Variants in CDYL observed in about 807,000 individuals in gnomAD.
The protein encoded by CDYL is chromodomain Y-like protein.
CDYL carries 8 observed loss-of-function variants against 47.3 expected under a neutral mutation model. The observed-to-expected ratio is 0.17, with a 90% CI of 0.10 to 0.31. CDYL has a LOEUF of 0.31. Ranked by LOEUF, CDYL falls within the 10% of genes least tolerant of loss-of-function variation. The pLI is 1.00. For synonymous variants in CDYL, 266 were observed against 265.0 expected (o/e 1.00, Z -0.04); for missense variants, 471 against 701.4 (o/e 0.67, Z 3.71).
At chr6:4,828,013 A>C (rs900863098) in intron 1 of CDYL, among the ~76,000 whole-genome samples, 8 of 152,204 alleles carry the variant, frequency 5.3e-5, no homozygotes, top group African/African-American at 1.2e-4. Flanking sequence ...TCCTAAATAC[A>C]GTACTACTGG....
intron 1 of CDYL, among the ~76,000 whole-genome samples, chr6:4,880,749 G>A (rs1761741875): frequency 6.6e-6 from 1 of 152,184 alleles, no homozygotes; most frequent in African/African-American, 2.4e-5. Context: ...TGGTATCTCA[G>A]TGTTGTATTA....
intron 2 of CDYL, among the ~76,000 whole-genome samples, chr6:4,719,041 A>G (rs1185561231): frequency 2.0e-5 from 3 of 151,988 alleles, no homozygotes; most frequent in Non-Finnish European, 2.9e-5. Context: ...CTCCTGCCTC[A>G]GCCTTCCCAG....
At chr6:4,727,056 C>T (rs1297035714) in intron 2 of CDYL, among the ~76,000 whole-genome samples, 2 of 152,252 alleles carry the variant, frequency 1.3e-5, no homozygotes, top group African/African-American at 4.8e-5. Flanking sequence ...GTTTTAGTCA[C>T]TTTGTTTAAC....
intron 5 of CDYL, among the ~76,000 whole-genome samples, chr6:4,949,115 G>A (rs530429782): frequency 4.6e-5 from 7 of 152,362 alleles, no homozygotes; most frequent in East Asian, 1.9e-4. Context: ...CGCTGTAGGC[G>A]AGGGCTACGT....
intron 5 of CDYL, among the ~76,000 whole-genome samples, 199 bp from the exon 6 acceptor site, chr6:4,952,067 C>T (rs529862619): frequency 3.3e-5 from 5 of 152,210 alleles, no homozygotes; most frequent in East Asian, 3.9e-4. Context: ...ATCATCAGCC[C>T]GATAGATTAC....
At chr6:4,843,059 A>G (rs1056301865) in intron 1 of CDYL, among the ~76,000 whole-genome samples, 2 of 152,088 alleles carry the variant, frequency 1.3e-5, no homozygotes, top group Non-Finnish European at 2.9e-5. Flanking sequence ...ATCATTTATG[A>G]AGTTTAGTTT....
rs1561690560 is a variant in CDYL, at chr6:4,892,302, G to A, written c.614G>A (p.Arg205Lys). The A allele has an allele frequency of 5.0e-6, 8 of 1,614,172 alleles. No homozygotes were observed. Among genetic ancestry groups the A allele is most frequent in the Non-Finnish European group, 6.8e-6 (8 of 1,180,040 alleles). The change falls in exon 2 of 7, where the codon AGG becomes AAG. Residue 205 changes from arginine to lysine, a missense_variant. Physicochemically the swap from Arg to Lys is conservative, Grantham distance 26. This residue lies in a region of CDYL where 311 missense variants were observed against 350.0 expected (regional missense o/e 0.89). Coordinates refer to ENST00000397588, the MANE Select transcript of CDYL (RefSeq NM_004824.4). ...AERARMGSRPRIHPLVPQVPG... is the reference protein window; with the variant it reads ...AERARMGSRPKIHPLVPQVPG... ...AGGGCCAGGATGGGGAGCAGGCCCA[G>A]GATACACCCACTAGTGCCTCAGGTG... is the stretch of plus-strand genomic sequence containing the variant.
At chr6:4,937,929 G>A (rs932532602) in intron 4 of CDYL, among the ~76,000 whole-genome samples, 192 bp downstream of exon 4, 1 of 152,156 alleles carries the variant, frequency 6.6e-6, no homozygotes, top group Non-Finnish European at 1.5e-5. Context: ...CTTGCCTTGG[G>A]CAAAATCTTT....
chr6:4,841,822 T>C (rs1341289160), intron 1 of CDYL, among the ~76,000 whole-genome samples: 3 of 151,888 alleles, frequency 2.0e-5, no homozygotes, highest in Non-Finnish European at 4.4e-5. Flanking sequence ...TCATATGGGC[T>C]ATCTTGGAGA....
intron 4 of CDYL, 64 bp downstream of exon 4, chr6:4,937,801 A>G: frequency 3.0e-6 from 4 of 1,329,820 alleles, no homozygotes; most frequent in Non-Finnish European, 4.2e-6. Flanking sequence ...ACCAATCCTG[A>G]TAGAATGGGC....
chr6:4,952,130 C>T, intron 5 of CDYL, 136 bp from the exon 6 acceptor site: 1 of 937,370 alleles, frequency 1.1e-6, no homozygotes. Flanking sequence ...TCCCAGCGGC[C>T]CCTAGAGGAT....
At chr6:4,905,070 G>A (rs1757189933) in intron 2 of CDYL, among the ~76,000 whole-genome samples, 1 of 152,168 alleles carries the variant, frequency 6.6e-6, no homozygotes, top group South Asian at 2.1e-4. Context: ...AGCGTGATCT[G>A]AACTGCTGAA....
chr6:4,889,846 G>A (rs901907557), intron 1 of CDYL: 37 of 415,884 alleles, frequency 8.9e-5, no homozygotes, highest in Admixed American at 2.6e-4. Context: ...GCCTAAAAAC[G>A]GAGCACACAC....
chr6:4,832,356 C>A (rs1429076538), intron 1 of CDYL, among the ~76,000 whole-genome samples: 4 of 151,658 alleles, frequency 2.6e-5, no homozygotes, highest in Non-Finnish European at 5.9e-5. Flanking sequence ...GTCTTTGGCT[C>A]TGTTTATATG....
intron 3 of CDYL, among the ~76,000 whole-genome samples, chr6:4,745,196 G>C (rs1466659254): frequency 6.6e-6 from 1 of 152,254 alleles, no homozygotes; most frequent in South Asian, 2.1e-4. Flanking sequence ...CTGGCTTCAA[G>C]TGATCCTCCA....
chr6:4,851,647 C>T (rs2127463597), intron 1 of CDYL, among the ~76,000 whole-genome samples: 1 of 152,342 alleles, frequency 6.6e-6, no homozygotes, highest in South Asian at 2.1e-4. Flanking sequence ...CCGTTTAATT[C>T]TTCACTGCAT....
intron 1 of CDYL, among the ~76,000 whole-genome samples, chr6:4,784,612 C>G (rs1332913852): frequency 6.6e-6 from 1 of 152,138 alleles, no homozygotes; most frequent in Non-Finnish European, 1.5e-5. Context: ...GTTCGGCATG[C>G]CTTGATATAT....
chr6:4,950,113 G>C lies in CDYL; in HGVS notation c.1333-2153G>C, dbSNP rs143110567. Among the ~76,000 whole-genome samples the C allele has an allele frequency of 3.0e-3, 452 of 152,306 alleles. 2 individuals carry two copies. Among genetic ancestry groups the C allele is most frequent in the African/African-American group, 9.6e-3 (401 of 41,570 alleles). On this transcript the variant is annotated intron_variant, in intron 5 of 6. Transcript: ENST00000397588. Reference sequence around the variant, plus strand: ...ATCAGGCCCAAGAGAGTCAACAAAGGGGGGACGAAAGGGAGACAGGGAAGA... The same window carrying C: ...ATCAGGCCCAAGAGAGTCAACAAAGCGGGGACGAAAGGGAGACAGGGAAGA...
chr6:4,828,223 T>A (rs1291068679), intron 1 of CDYL, among the ~76,000 whole-genome samples: 1 of 148,636 alleles, frequency 6.7e-6, no homozygotes, highest in Non-Finnish European at 1.5e-5. Flanking sequence ...GATATAGGAC[T>A]TTTAACAGGT....
Sources: gnomAD v4.1 joint callset for allele counts (sites outside exome capture counted in the v4.1 genomes callset) on GRCh38, gnomAD v4.1.1 for gene constraint, gnomAD v4.1.1 regional missense constraint, MANE v1.5 for transcripts, NCBI Gene and HGNC (gene_info 2026-07-23, HGNC 2026-07-21) for gene names.